Variants in NEDD4L observed in about 807,000 individuals in gnomAD.
NEDD4L encodes E3 ubiquitin-protein ligase NEDD4-like.
A neutral mutation model predicts 148.9 loss-of-function variants in NEDD4L; 54 were observed. The observed-to-expected ratio is 0.36, with a 90% CI of 0.29 to 0.45. NEDD4L has a LOEUF of 0.45. Ranked by LOEUF, NEDD4L falls within the 20% of genes least tolerant of loss-of-function variation. NEDD4L has a pLI of 1.00. For synonymous variants in NEDD4L, 433 were observed against 440.7 expected, an observed-to-expected ratio of 0.98 and a Z score of 0.22; for missense variants, 856 against 1,233.8, an observed-to-expected ratio of 0.69 and a Z score of 4.59.
intron 1 of NEDD4L, among the ~76,000 whole-genome samples, chr18:58,075,778 T>A (rs79645168): frequency 1.3e-4 from 20 of 152,020 alleles, no homozygotes; most frequent in Non-Finnish European, 2.8e-4. Flanking sequence ...ATTTTTTTTT[T>A]AAATTAGCTG....
At chr18:58,298,726 T>A (rs933793104) in intron 5 of NEDD4L, among the ~76,000 whole-genome samples, 6 of 152,226 alleles carry the variant, frequency 3.9e-5, no homozygotes, top group African/African-American at 1.2e-4. Context: ...GAGCACATGA[T>A]GACAAACATT....
intron 8 of NEDD4L, among the ~76,000 whole-genome samples, chr18:58,324,060 C>A (rs760546915): frequency 3.9e-5 from 6 of 152,176 alleles, no homozygotes; most frequent in African/African-American, 1.4e-4. Flanking sequence ...AACACTCCTC[C>A]GCCTGAGAGA....
chr18:58,293,587 C>T (rs1359178706), intron 5 of NEDD4L, among the ~76,000 whole-genome samples: 2 of 152,182 alleles, frequency 1.3e-5, no homozygotes, highest in Admixed American at 1.3e-4. Flanking sequence ...CTGCTGTTTA[C>T]TTAATGCTGT....
At chr18:58,175,294 T>C (rs1482370060) in intron 2 of NEDD4L, among the ~76,000 whole-genome samples, 1 of 152,026 alleles carries the variant, frequency 6.6e-6, no homozygotes, top group Admixed American at 6.5e-5. Flanking sequence ...TGCGCCTTTC[T>C]GGCCACTAGG....
chr18:58,153,926 C>T (rs1599157520), intron 1 of NEDD4L, among the ~76,000 whole-genome samples: 2 of 152,162 alleles, frequency 1.3e-5, no homozygotes, highest in Non-Finnish European at 2.9e-5. Flanking sequence ...GGATTACAGG[C>T]GTGAGTCACC....
At chr18:58,128,649 G>A (rs548269291) in intron 1 of NEDD4L, among the ~76,000 whole-genome samples, 4 of 152,312 alleles carry the variant, frequency 2.6e-5, no homozygotes, top group African/African-American at 7.2e-5. Context: ...GCGGGGCCAC[G>A]TCTTCTGTGC....
chr18:58,244,064 G>A (rs1174151119), intron 2 of NEDD4L, among the ~76,000 whole-genome samples: 2 of 152,116 alleles, frequency 1.3e-5, no homozygotes, highest in African/African-American at 4.8e-5. Context: ...CTTGTGAAAG[G>A]ATTTCATGGC....
intron 1 of NEDD4L, among the ~76,000 whole-genome samples, chr18:58,048,725 G>T (rs1371648693): frequency 1.3e-5 from 2 of 151,994 alleles, no homozygotes; most frequent in African/African-American, 4.8e-5. Context: ...TTAAAGCTTG[G>T]AAATTTCATG....
intron 5 of NEDD4L, among the ~76,000 whole-genome samples, chr18:58,279,948 G>A (rs1355835019): frequency 2.0e-5 from 3 of 152,194 alleles, no homozygotes; most frequent in Non-Finnish European, 2.9e-5. Context: ...CCTGCTCTAA[G>A]CCAGGCTAAG....
At chr18:58,088,126 G>T (rs765838301) in intron 1 of NEDD4L, among the ~76,000 whole-genome samples, 1 of 152,216 alleles carries the variant, frequency 6.6e-6, no homozygotes, top group African/African-American at 2.4e-5. Flanking sequence ...TGAGGGGTGC[G>T]TGAATGCCTT....
In NEDD4L at chr18:58,167,039, G is replaced by A. The variant is rs191203737; in HGVS notation, c.122+1178G>A. 8.6e-3 allele frequency among the ~76,000 whole-genome samples: 1,314 copies of A among 152,294 alleles called. 12 individuals carry two copies. The highest frequency in any genetic ancestry group is 0.017 in the Middle Eastern group (5 of 294). ...TTAAGTTACTAAAATGGCACCAAAA[G>A]AAATTAGAAAAAAATTGTTGCAAAT... On this transcript the variant is annotated intron_variant, in intron 2 of 30. Coordinates refer to ENST00000400345, the MANE Select transcript of NEDD4L (RefSeq NM_001144967.3).
chr18:58,056,599 T>C (rs1479584065), intron 1 of NEDD4L, among the ~76,000 whole-genome samples: 1 of 152,090 alleles, frequency 6.6e-6, no homozygotes, highest in African/African-American at 2.4e-5. Context: ...TTACTTTTTT[T>C]CAAGACAGTC....
intron 1 of NEDD4L, chr18:58,091,742 G>A (rs1292845324): frequency 6.6e-6 from 1 of 152,238 alleles, no homozygotes; most frequent in East Asian, 1.9e-4. Flanking sequence ...TTTTCATTTA[G>A]GTGGGAGTCC....
In NEDD4L at chr18:58,356,256, C is replaced by G. The variant is rs1427699385; in HGVS notation, c.1709-938C>G. On this transcript the variant is annotated intron_variant, in intron 18 of 30. Transcript: ENST00000400345. ...TACAGGCATGAGCCACTGCTCCTGG[C>G]CACCCTTTACTTTTCAAATAATTTT... is the stretch of plus-strand genomic sequence containing the variant. 2.0e-5 allele frequency among the ~76,000 whole-genome samples: 3 copies of G among 151,960 alleles called. No individual in the cohort carries two copies. In the East Asian group the frequency reaches 5.8e-4, roughly 29 times the overall value.
intron 5 of NEDD4L, among the ~76,000 whole-genome samples, chr18:58,269,264 C>G (rs1314208433): frequency 6.6e-6 from 1 of 151,918 alleles, no homozygotes; most frequent in Non-Finnish European, 1.5e-5. Flanking sequence ...GAACAGATAT[C>G]AAAGATTGGG....
At chr18:58,238,821 G>C (rs1036906048) in intron 2 of NEDD4L, among the ~76,000 whole-genome samples, 2 of 152,128 alleles carry the variant, frequency 1.3e-5, no homozygotes, top group Admixed American at 1.3e-4. Flanking sequence ...TCCAGTAGTA[G>C]AGTATTAAAT....
intron 2 of NEDD4L, among the ~76,000 whole-genome samples, chr18:58,166,585 C>T (rs1445797178): frequency 1.3e-5 from 2 of 152,190 alleles, no homozygotes; most frequent in Non-Finnish European, 2.9e-5. Flanking sequence ...TCTAGTCCAA[C>T]TTTTCCATTT....
intron 2 of NEDD4L, among the ~76,000 whole-genome samples, chr18:58,244,464 G>A (rs780364410): frequency 2.0e-5 from 3 of 152,172 alleles, no homozygotes; most frequent in Non-Finnish European, 4.4e-5. Flanking sequence ...TAGATAGTCC[G>A]CAGTAATCCT....
intron 5 of NEDD4L, among the ~76,000 whole-genome samples, chr18:58,295,506 T>C (rs1319933193): frequency 2.6e-5 from 4 of 152,228 alleles, no homozygotes; most frequent in East Asian, 1.9e-4. Context: ...ACCGCTTAGT[T>C]AGTCATTCAT....
Sources: gnomAD v4.1 joint callset for allele counts (sites outside exome capture counted in the v4.1 genomes callset) on GRCh38, gnomAD v4.1.1 for gene constraint, MANE v1.5 for transcripts, NCBI Gene and HGNC (gene_info 2026-07-23, HGNC 2026-07-21) for gene names.